Variants in HS2ST1 observed in about 807,000 individuals in gnomAD.
The protein encoded by HS2ST1 is 2-O-sulfotransferase.
A neutral mutation model predicts 42.9 loss-of-function variants in HS2ST1; 18 were observed. That is an observed-to-expected ratio of 0.42 (90% CI 0.29 to 0.62). The LOEUF is 0.62. Among genes scored for constraint, HS2ST1 ranks in the 20% least tolerant of loss-of-function variants. The pLI is 0.21. For missense variants in HS2ST1, 334 were observed against 433.8 expected, an observed-to-expected ratio of 0.77 and a Z score of 2.04; for synonymous variants, 146 against 152.9, an observed-to-expected ratio of 0.95 and a Z score of 0.33.
chr1:87,039,386 G>C (rs1053712792), intron 1 of HS2ST1, among the ~76,000 whole-genome samples: 2 of 152,158 alleles, frequency 1.3e-5, no homozygotes, highest in Non-Finnish European at 2.9e-5. Context: ...TTTGCTTCCT[G>C]ATGTGCCTCT....
intron 1 of HS2ST1, chr1:87,046,073 C>A: frequency 1.5e-6 from 1 of 665,486 alleles, no homozygotes; most frequent in South Asian, 1.4e-5. Flanking sequence ...ATGACAGCAT[C>A]ATGAACCCTG....
At position 86,914,685 on chromosome 1, in the gene HS2ST1, G is replaced by T. The variant is rs893582754; in HGVS notation, c.-352G>T. ...GCGCGGCCGCGAGCAAAGGAGGGAGGGAAGGAAGGAAGAGAGGGAGGCGGG... is the reference window on the plus strand; with the variant it reads ...GCGCGGCCGCGAGCAAAGGAGGGAGTGAAGGAAGGAAGAGAGGGAGGCGGG... On this transcript the variant is annotated 5_prime_UTR_variant, in exon 1 of 7. Coordinates refer to ENST00000370550, the MANE Select transcript of HS2ST1 (RefSeq NM_012262.4). 22 of 264,766 alleles carry T rather than the reference G, an allele frequency of 8.3e-5. No homozygotes were observed. The highest frequency in any genetic ancestry group is 1.5e-4 in the Non-Finnish European group (21 of 137,182). The allele number at this position is 264,766 out of a possible 1,614,324, so 16.4% of individuals were successfully genotyped here. A position where few individuals can be genotyped will look rare whatever the true frequency, so the allele number is the denominator to read the frequency against.
chr1:86,961,203 C>T (rs1647834553), intron 1 of HS2ST1, among the ~76,000 whole-genome samples: 3 of 151,400 alleles, frequency 2.0e-5, no homozygotes, highest in Admixed American at 2.0e-4. Context: ...ACCACTGTAC[C>T]CCAGCCTGGG....
chr1:87,099,320 C>G (rs963686368), intron 5 of HS2ST1, among the ~76,000 whole-genome samples: 1 of 152,174 alleles, frequency 6.6e-6, no homozygotes, highest in Non-Finnish European at 1.5e-5. Context: ...ACAAGGGCCT[C>G]AGGAAGCTTA....
At chr1:87,009,284 A>T (rs1025823340) in intron 1 of HS2ST1, among the ~76,000 whole-genome samples, 1 of 152,198 alleles carries the variant, frequency 6.6e-6, no homozygotes, top group Non-Finnish European at 1.5e-5. Context: ...GTGATAATTA[A>T]CCTTCTTTCC....
chr1:86,938,559 G>A (rs1214439839), intron 1 of HS2ST1, among the ~76,000 whole-genome samples: 2 of 151,832 alleles, frequency 1.3e-5, no homozygotes, highest in Non-Finnish European at 2.9e-5. Flanking sequence ...TGATAGTTAT[G>A]GAAAACAGTG....
At chr1:86,967,772 G>A (rs1045895671) in intron 1 of HS2ST1, among the ~76,000 whole-genome samples, 3 of 152,130 alleles carry the variant, frequency 2.0e-5, no homozygotes, top group East Asian at 1.9e-4. Flanking sequence ...ATGTGCCTGC[G>A]TCTTTTTCAT....
At chr1:87,050,969 A>G (rs1277704673) in intron 1 of HS2ST1, among the ~76,000 whole-genome samples, 1 of 152,188 alleles carries the variant, frequency 6.6e-6, no homozygotes, top group African/African-American at 2.4e-5. Flanking sequence ...AGGTTAGTAG[A>G]GATCAAATCA....
In HS2ST1 at chr1:87,097,937, T is replaced by C; in HGVS notation, c.686+2T>C. On this transcript the variant is annotated splice_donor_variant, in intron 5 of 6. Coordinates refer to ENST00000370550, the MANE Select transcript of HS2ST1 (RefSeq NM_012262.4). LOFTEE classifies it high-confidence loss of function. ...CTGTGGCCATAGCTCCGAATGCTGGTAGGGGAGATAAAGTTGGCTCAGATT... is the reference window on the plus strand; with the variant it reads ...CTGTGGCCATAGCTCCGAATGCTGGCAGGGGAGATAAAGTTGGCTCAGATT... The C allele has an allele frequency of 6.2e-7, 1 of 1,613,872 alleles. No individual in the cohort carries two copies. The highest frequency in any genetic ancestry group is 8.5e-7 in the Non-Finnish European group (1 of 1,179,802).
Position 86,915,178 on chromosome 1 carries a change from C to T in HS2ST1, c.124+18C>T. 5 of 1,608,472 alleles carry T rather than the reference C, an allele frequency of 3.1e-6. No individual in the cohort carries two copies. Among genetic ancestry groups the T allele is most frequent in the Non-Finnish European group, 4.2e-6 (5 of 1,176,928 alleles). On this transcript the variant is annotated intron_variant, in intron 1 of 6. Transcript: ENST00000370550. ...GAAGCTAGGTGAGGAACTGAACTGC[C>T]CCGGGCTGAGTGCTGTGGAAGGGGC...
Position 87,041,405 on chromosome 1 carries a change from TA to T in HS2ST1, c.125-31522del, listed in dbSNP as rs567256002. 4.3e-4 allele frequency among the ~76,000 whole-genome samples: 66 copies of T among 151,810 alleles called. No homozygotes were observed. The East Asian group carries it at 0.011, about 25-fold the overall frequency. Reference sequence around the variant, plus strand: ...CTGTCTCAAAAAGTATATATAAATTTAAAAAAAGAAGAAATAAATTAAATTT... The same window carrying T: ...CTGTCTCAAAAAGTATATATAAATTTAAAAAAGAAGAAATAAATTAAATTT... On this transcript the variant is annotated intron_variant, in intron 1 of 6. Transcript: ENST00000370550.
chr1:86,986,200 C>T (rs1648781123), intron 1 of HS2ST1, among the ~76,000 whole-genome samples: 1 of 151,870 alleles, frequency 6.6e-6, no homozygotes, highest in African/African-American at 2.4e-5. Context: ...TAAGGTTTAT[C>T]AGTGGGTTTT....
At position 87,107,089 on chromosome 1, in the gene HS2ST1, T is replaced by A. The variant is rs1570551997; in HGVS notation, c.*2393T>A. ...ATAAAACTTTATTTACAAAAACAGA[T>A]GACATCCCAGATGCAGACCATGGGC... On this transcript the variant is annotated 3_prime_UTR_variant, in exon 7 of 7. Coordinates refer to ENST00000370550, the MANE Select transcript of HS2ST1 (RefSeq NM_012262.4). The A allele has an allele frequency of 6.6e-6, 1 of 152,200 alleles. No homozygotes were observed. Among genetic ancestry groups the A allele is most frequent in the South Asian group, 2.1e-4 (1 of 4,826 alleles). 9.4% of individuals were successfully genotyped at this position (152,200 alleles called of 1,614,324 possible).
chr1:87,085,936 A>G (rs1478921229), intron 3 of HS2ST1, among the ~76,000 whole-genome samples: 1 of 152,194 alleles, frequency 6.6e-6, no homozygotes, highest in Non-Finnish European at 1.5e-5. Context: ...AAGCGTTTGA[A>G]TATTTTCATA....
intron 1 of HS2ST1, among the ~76,000 whole-genome samples, chr1:86,989,358 A>T (rs1016624818): frequency 1.4e-4 from 21 of 152,364 alleles, no homozygotes; most frequent in African/African-American, 5.0e-4. Context: ...CTATTAGCAA[A>T]CACTTTATCC....
intron 1 of HS2ST1, among the ~76,000 whole-genome samples, chr1:87,002,799 G>C (rs1010656279): frequency 6.6e-6 from 1 of 151,702 alleles, no homozygotes. Context: ...GAAAATCCTT[G>C]ACTCCTGATC....
intron 1 of HS2ST1, among the ~76,000 whole-genome samples, chr1:86,929,379 G>A (rs1002851729): frequency 6.6e-6 from 1 of 151,762 alleles, no homozygotes; most frequent in African/African-American, 2.4e-5. Flanking sequence ...TTATAGATTT[G>A]ACATTCAGAT....
intron 1 of HS2ST1, among the ~76,000 whole-genome samples, chr1:86,923,401 T>C (rs973910719): frequency 6.6e-6 from 1 of 150,382 alleles, no homozygotes; most frequent in Admixed American, 6.6e-5. Flanking sequence ...GGAACGCCTT[T>C]TTTTTTTTTT....
chr1:87,008,112 C>T (rs1217599817), intron 1 of HS2ST1, among the ~76,000 whole-genome samples: 2 of 152,054 alleles, frequency 1.3e-5, no homozygotes, highest in Non-Finnish European at 2.9e-5. Flanking sequence ...TTACATTGGG[C>T]ATCTTGGACA....
Sources: gnomAD v4.1 joint callset for allele counts (sites outside exome capture counted in the v4.1 genomes callset) on GRCh38, gnomAD v4.1.1 for gene constraint, MANE v1.5 for transcripts, NCBI Gene and HGNC (gene_info 2026-07-23, HGNC 2026-07-21) for gene names.